Variants in ZNF254 observed in about 807,000 individuals in gnomAD.
The protein encoded by ZNF254 is CTD-2017D11.1.
A neutral mutation model predicts 12.4 loss-of-function variants in ZNF254; 10 were observed. The ratio of observed to expected loss-of-function variants is 0.80; its 90% CI spans 0.50 to 1.36. The LOEUF is 1.36. Among genes scored for constraint, ZNF254 ranks in the 40% most tolerant of loss-of-function variants. The pLI is 0.00. For missense variants in ZNF254, 996 were observed against 763.9 expected (o/e 1.30, Z -3.58); for synonymous variants, 305 against 253.4 (o/e 1.20, Z -1.93).
chr19:24,038,220 G>T (rs1405934127), intron 1 of ZNF254, among the ~76,000 whole-genome samples: 1 of 152,062 alleles, frequency 6.6e-6, no homozygotes, highest in East Asian at 1.9e-4. Flanking sequence ...TTTTCTGTTG[G>T]AAGATAGGAG....
chr19:24,034,981 C>T (rs1383497750), intron 1 of ZNF254, among the ~76,000 whole-genome samples: 1 of 151,184 alleles, frequency 6.6e-6, no homozygotes, highest in Non-Finnish European at 1.5e-5. Context: ...AGTATTGCAG[C>T]AAGGGGAAAG....
chr19:24,117,071 G>C (rs958140179), intron 3 of ZNF254, among the ~76,000 whole-genome samples: 1 of 152,118 alleles, frequency 6.6e-6, no homozygotes, highest in East Asian at 1.9e-4. Flanking sequence ...TCTCAGAGGA[G>C]TACCCAGCCA....
At chr19:24,062,569 C>T (rs1333914193) in intron 2 of ZNF254, among the ~76,000 whole-genome samples, 3 of 151,708 alleles carry the variant, frequency 2.0e-5, no homozygotes, top group South Asian at 2.1e-4. Context: ...AAGAGAGTGT[C>T]CTGACAGAGA....
chr19:24,120,501 G>T (rs1311757898), intron 3 of ZNF254, among the ~76,000 whole-genome samples: 3 of 152,084 alleles, frequency 2.0e-5, no homozygotes, highest in South Asian at 2.1e-4. Context: ...CTACAGAAGA[G>T]CTTTAAGGGT....
intron 3 of ZNF254, among the ~76,000 whole-genome samples, chr19:24,113,458 G>A (rs1161872228): frequency 6.6e-6 from 1 of 152,126 alleles, no homozygotes; most frequent in Non-Finnish European, 1.5e-5. Context: ...AATAGATGCA[G>A]AAAAGGCCTT....
At chr19:24,082,098 G>C (rs1400692888) in intron 2 of ZNF254, among the ~76,000 whole-genome samples, 1 of 151,340 alleles carries the variant, frequency 6.6e-6, no homozygotes, top group African/African-American at 2.4e-5. Context: ...ACTCCAGCCT[G>C]GGCAACAAGA....
At position 24,127,383 on chromosome 19, in the gene ZNF254, C is replaced by T; in HGVS notation, c.1383C>T (p.Pro461=). Reference sequence around the variant, plus strand: ...AGAGAATTCATACTAGAGAGAAACCCTACAAATGTGAAGAATGTGGCAAGG... The same window carrying T: ...AGAGAATTCATACTAGAGAGAAACCTTACAAATGTGAAGAATGTGGCAAGG... ...KHKRIHTREK[P]YKCEECGKAF... Residue 461 remains proline, a synonymous_variant, in exon 4 of 4, where the codon CCC becomes CCT. Transcript: ENST00000357002. The T allele has an allele frequency of 6.2e-7, 1 of 1,612,096 alleles. No individual in the cohort carries two copies. The highest frequency in any genetic ancestry group is 8.5e-7 in the Non-Finnish European group (1 of 1,178,674).
chr19:24,059,064 C>T (rs1970972309), intron 2 of ZNF254, among the ~76,000 whole-genome samples: 1 of 152,186 alleles, frequency 6.6e-6, no homozygotes. Context: ...ACCGCTGGGC[C>T]CAACAGCATA....
At chr19:24,072,844 C>G (rs1971528822) in intron 2 of ZNF254, among the ~76,000 whole-genome samples, 1 of 152,104 alleles carries the variant, frequency 6.6e-6, no homozygotes, top group Non-Finnish European at 1.5e-5. Flanking sequence ...TGATCCCTAC[C>G]CTGGAAAAAT....
intron 2 of ZNF254, among the ~76,000 whole-genome samples, chr19:24,063,296 A>C (rs753718257): frequency 1.5e-4 from 23 of 152,224 alleles, no homozygotes; most frequent in Non-Finnish European, 2.8e-4. Context: ...TTAGCCCAGC[A>C]TCTGAGTTAT....
intron 2 of ZNF254, among the ~76,000 whole-genome samples, chr19:24,070,881 C>CT (rs1971456036): frequency 6.6e-6 from 1 of 152,098 alleles, no homozygotes; most frequent in African/African-American, 2.4e-5. Context: ...ATTTGTTTGT[C>CT]TTTTTTATGC....
Position 24,127,200 on chromosome 19 carries a change from T to A in ZNF254, c.1200T>A (p.His400Gln), listed in dbSNP as rs780016619. Residue 400 changes from histidine (H) to glutamine (Q), a missense_variant, in exon 4 of 4, where the codon CAT (histidine) becomes CAA (glutamine). Transcript: ENST00000357002. The part of the protein sequence containing the change: ...LSTLTTHKII[H>Q]VGEKLYKCEE... ...CTCTTACTACACATAAAATAATTCA[T>A]GTTGGAGAGAAACTCTACAAATGTG... 1 of 1,613,242 alleles carries A rather than the reference T, an allele frequency of 6.2e-7. No individual in the cohort carries two copies. Among genetic ancestry groups the A allele is most frequent in the Non-Finnish European group, 8.5e-7 (1 of 1,179,648 alleles).
At chr19:24,120,199 C>T (rs1974383094) in intron 3 of ZNF254, among the ~76,000 whole-genome samples, 1 of 152,060 alleles carries the variant, frequency 6.6e-6, no homozygotes, top group South Asian at 2.1e-4. Flanking sequence ...GAGACTTATT[C>T]TCTATCATGA....
chr19:24,126,409 G>A lies in ZNF254; in HGVS notation c.409G>A (p.Glu137Lys), dbSNP rs1381756043. Reference sequence around the variant, plus strand: ...TGTGGATGAGTATAAGGTGAACAAAGAAGGTTATAATGGACTTAACCAGTG... The same window carrying A: ...TGTGGATGAGTATAAGGTGAACAAAAAAGGTTATAATGGACTTAACCAGTG... ...KSVDEYKVNK[E>K]GYNGLNQCFT... is the part of the protein sequence containing the mutation. The change falls in exon 4 of 4, where the codon GAA becomes AAA. Residue 137 changes from glutamate to lysine, a missense_variant. Coordinates refer to ENST00000357002, the MANE Select transcript of ZNF254 (RefSeq NM_203282.4). 1 of 1,605,702 alleles carries A rather than the reference G, an allele frequency of 6.2e-7. No individual in the cohort carries two copies. The highest frequency in any genetic ancestry group is 8.5e-7 in the Non-Finnish European group (1 of 1,177,798).
At chr19:24,041,840 A>G (rs1388851296) in intron 1 of ZNF254, among the ~76,000 whole-genome samples, 2 of 152,184 alleles carry the variant, frequency 1.3e-5, no homozygotes, top group Non-Finnish European at 2.9e-5. Context: ...TACACCAATC[A>G]GCACCCTGTG....
rs538886268 is a variant in ZNF254, at chr19:24,092,917, A to G, written c.30+5580A>G. On this transcript the variant is annotated intron_variant, in intron 1 of 3. Coordinates refer to ENST00000357002, the MANE Select transcript of ZNF254 (RefSeq NM_203282.4). ...TTTTACAATGGTTGAATTAATGTAC[A>G]CTTTAACAGCAGTGTATAAGCGTTC... 2.0e-3 allele frequency among the ~76,000 whole-genome samples: 310 copies of G among 152,328 alleles called. 1 individual carries two copies. Among genetic ancestry groups the G allele is most frequent in the African/African-American group, 7.2e-3 (301 of 41,572 alleles).
chr19:24,114,915 C>T (rs866068486), intron 3 of ZNF254, among the ~76,000 whole-genome samples: 1,226 of 152,256 alleles, frequency 8.1e-3, no homozygotes, highest in African/African-American at 0.028. Context: ...CCAAAAAACA[C>T]ATGAAAAAAT....
At chr19:24,073,766 T>C (rs1253648967) in intron 2 of ZNF254, among the ~76,000 whole-genome samples, 1 of 152,246 alleles carries the variant, frequency 6.6e-6, no homozygotes, top group Non-Finnish European at 1.5e-5. Context: ...CTCTTATGCA[T>C]GTATTCAGTC....
intron 1 of ZNF254, chr19:24,098,453 AT>A (rs1972799028): frequency 6.6e-6 from 1 of 152,230 alleles, no homozygotes; most frequent in African/African-American, 2.4e-5. Flanking sequence ...GTTGTCAAAT[AT>A]ATTTCAATAT....
Sources: gnomAD v4.1 joint callset for allele counts (sites outside exome capture counted in the v4.1 genomes callset) on GRCh38, gnomAD v4.1.1 for gene constraint, MANE v1.5 for transcripts, NCBI Gene and HGNC (gene_info 2026-07-23, HGNC 2026-07-21) for gene names.